The following ENTREP2 variants were observed in gnomAD, a reference collection of about 807,000 sequenced individuals.
ENTREP2 encodes the protein endosomal transmembrane epsin interactor 2.
the ENTREP2 span, among the ~76,000 whole-genome samples, chr15:29,657,483 C>CCGGG: frequency 1.4e-5 from 1 of 69,382 alleles, no homozygotes; most frequent in Non-Finnish European, 2.8e-5. Flanking sequence ...GCTGGGGGGG[C>CCGGG]GGGGGGGGGG....
the ENTREP2 span, among the ~76,000 whole-genome samples, chr15:29,649,524 C>T: frequency 6.6e-6 from 1 of 151,864 alleles, no homozygotes; most frequent in Admixed American, 6.6e-5. Context: ...AGTTTGAGAC[C>T]AGCCTGGCCA....
At chr15:29,670,065 C>T in the ENTREP2 span, among the ~76,000 whole-genome samples, 18 of 152,168 alleles carry the variant, frequency 1.2e-4, no homozygotes, top group Non-Finnish European at 2.6e-4. Context: ...GCAAGTTTAT[C>T]GCATCTTGTA....
the ENTREP2 span, among the ~76,000 whole-genome samples, chr15:29,510,788 C>T: frequency 2.8e-4 from 40 of 141,634 alleles, no homozygotes; most frequent in Middle Eastern, 3.6e-3. Flanking sequence ...CCAGCCTCGG[C>T]GACAGAGTGA....
chr15:29,561,308 T>G, the ENTREP2 span, among the ~76,000 whole-genome samples: 1 of 152,056 alleles, frequency 6.6e-6, no homozygotes, highest in Admixed American at 6.6e-5. Context: ...TGTTCTAAAA[T>G]GAATTCATAA....
chr15:29,444,230 GAAAGAAAGAAAGAAAGAA>G, the ENTREP2 span, among the ~76,000 whole-genome samples: 8 of 147,304 alleles, frequency 5.4e-5, no homozygotes, highest in African/African-American at 2.0e-4. Context: ...AAGAAAGAAA[GAAAGAAAGAAAGAAAGAA>G]AGAGAAAGAG....
chr15:29,449,845 T>G, the ENTREP2 span, among the ~76,000 whole-genome samples: 1 of 152,194 alleles, frequency 6.6e-6, no homozygotes, highest in Non-Finnish European at 1.5e-5. Flanking sequence ...AATTGGGAAA[T>G]CCTAATATTT....
At chr15:29,268,684 C>A in the ENTREP2 span, 1 of 1,093,764 alleles carries the variant, frequency 9.1e-7, no homozygotes, top group Non-Finnish European at 1.3e-6. Context: ...CACATTGAAG[C>A]GTTTACAGCA....
chr15:29,616,564 AT>A, the ENTREP2 span, among the ~76,000 whole-genome samples: 3 of 152,170 alleles, frequency 2.0e-5, no homozygotes, highest in African/African-American at 7.2e-5. Flanking sequence ...TTTAAGGTGT[AT>A]GACTTGATGA....
the ENTREP2 span, among the ~76,000 whole-genome samples, chr15:29,196,170 A>T: frequency 6.6e-6 from 1 of 152,348 alleles, no homozygotes; most frequent in South Asian, 2.1e-4. Context: ...GACCTCTTTC[A>T]ACCATTTGCA....
At chr15:29,220,006 T>G in the ENTREP2 span, among the ~76,000 whole-genome samples, 1 of 151,886 alleles carries the variant, frequency 6.6e-6, no homozygotes, top group Admixed American at 6.6e-5. Flanking sequence ...CGCCAATAAC[T>G]TATGGAAAAA....
chr15:29,663,257 T>C, the ENTREP2 span, among the ~76,000 whole-genome samples: 9,670 of 151,742 alleles, frequency 0.064, 921 homozygotes, highest in African/African-American at 0.21. Context: ...CAGTGGCTCA[T>C]GCCTGTAATC....
At chr15:29,268,990 G>T in the ENTREP2 span, 1 of 1,614,106 alleles carries the variant, frequency 6.2e-7, no homozygotes, top group Non-Finnish European at 8.5e-7. Flanking sequence ...GTCGGTGTGG[G>T]GTATCCGCCG....
chr15:29,523,561 A>ATTTTTT, the ENTREP2 span, among the ~76,000 whole-genome samples: 72 of 78,502 alleles, frequency 9.2e-4, 1 homozygote, highest in African/African-American at 3.2e-3. Context: ...TCCCAGCTAG[A>ATTTTTT]TTTTTTTTTT....
chr15:29,158,657 C>A, the ENTREP2 span, among the ~76,000 whole-genome samples: 1 of 152,000 alleles, frequency 6.6e-6, no homozygotes, highest in Non-Finnish European at 1.5e-5. Flanking sequence ...TATCAGAGTC[C>A]TTTACAAATA....
chr15:29,131,340 C>T, the ENTREP2 span, among the ~76,000 whole-genome samples: 1 of 151,880 alleles, frequency 6.6e-6, no homozygotes, highest in Non-Finnish European at 1.5e-5. Context: ...TCTCCCTTCT[C>T]ACAACTCCTT....
chr15:29,390,674 G>C, the ENTREP2 span, among the ~76,000 whole-genome samples: 1 of 152,134 alleles, frequency 6.6e-6, no homozygotes, highest in Non-Finnish European at 1.5e-5. Context: ...CCATTTGATT[G>C]GTACCCTGCC....
At chr15:29,160,742 G>A in the ENTREP2 span, among the ~76,000 whole-genome samples, 1 of 148,356 alleles carries the variant, frequency 6.7e-6, no homozygotes, top group Admixed American at 6.7e-5. Context: ...AAATCAGGAC[G>A]TTGATACCTT....
At chr15:29,635,464 T>A in the ENTREP2 span, among the ~76,000 whole-genome samples, 1 of 152,160 alleles carries the variant, frequency 6.6e-6, no homozygotes, top group Admixed American at 6.5e-5. Context: ...TCAGGAGTCC[T>A]GCACTGTAGG....
At chr15:29,619,891 C>G in the ENTREP2 span, among the ~76,000 whole-genome samples, 4 of 152,058 alleles carry the variant, frequency 2.6e-5, no homozygotes, top group Non-Finnish European at 5.9e-5. Context: ...TCTGTGAGCC[C>G]TGTCCTCCCA....
Sources: allele counts gnomAD v4.1 joint callset (sites outside exome capture counted in the v4.1 genomes callset), GRCh38; gene constraint gnomAD v4.1.1; transcripts MANE v1.5; gene names NCBI Gene and HGNC (gene_info 2026-07-23, HGNC 2026-07-21).